Variants in BICC1 observed in about 807,000 individuals in gnomAD.
The protein encoded by BICC1 is protein bicaudal C homolog 1.
BICC1 carries 43 observed loss-of-function variants against 111.0 expected under a neutral mutation model. The observed-to-expected ratio is 0.39, with a 90% CI of 0.30 to 0.50. BICC1 has a LOEUF of 0.50. Ranked by LOEUF, BICC1 falls within the 20% of genes least tolerant of loss-of-function variation. The probability of loss-of-function intolerance (pLI) is 0.88; values close to 1 mark genes in which losing one functional copy is unlikely to be tolerated. For synonymous variants in BICC1, 467 were observed against 434.4 expected, an observed-to-expected ratio of 1.07 and a Z score of -0.93; for missense variants, 1,091 against 1,203.2, an observed-to-expected ratio of 0.91 and a Z score of 1.38.
chr10:58,590,769 T>C (rs1027925842), intron 1 of BICC1, among the ~76,000 whole-genome samples: 3 of 152,200 alleles, frequency 2.0e-5, no homozygotes, highest in Admixed American at 1.3e-4. Flanking sequence ...TGTTGTAGTT[T>C]TATAGGTATT....
intron 8 of BICC1, among the ~76,000 whole-genome samples, chr10:58,793,117 G>C (rs1843232607): frequency 1.3e-5 from 2 of 152,182 alleles, no homozygotes; most frequent in African/African-American, 4.8e-5. Flanking sequence ...GCCACTGGAA[G>C]TCATTGAGCA....
intron 2 of BICC1, among the ~76,000 whole-genome samples, chr10:58,671,993 G>A (rs1839198354): frequency 6.6e-6 from 1 of 152,116 alleles, no homozygotes; most frequent in Non-Finnish European, 1.5e-5. Flanking sequence ...CATTCTGGAA[G>A]CTCGTTCCCT....
At chr10:58,816,701 G>A (rs1844100393) in intron 18 of BICC1, among the ~76,000 whole-genome samples, 1 of 149,908 alleles carries the variant, frequency 6.7e-6, no homozygotes, top group Non-Finnish European at 1.5e-5. Context: ...GCTCATTATT[G>A]GTCTGGGAGG....
intron 1 of BICC1, among the ~76,000 whole-genome samples, chr10:58,568,616 A>T (rs966122732): frequency 6.6e-6 from 1 of 152,164 alleles, no homozygotes; most frequent in African/African-American, 2.4e-5. Context: ...CGCCCACATC[A>T]GCACACCACA....
chr10:58,770,011 G>A (rs1175413750), intron 3 of BICC1, among the ~76,000 whole-genome samples: 6 of 152,008 alleles, frequency 3.9e-5, no homozygotes, highest in East Asian at 1.9e-4. Flanking sequence ...TGTCAAAATC[G>A]GTTCTTACAG....
intron 2 of BICC1, among the ~76,000 whole-genome samples, chr10:58,699,462 A>C (rs1224628927): frequency 6.6e-6 from 1 of 152,212 alleles, no homozygotes; most frequent in Non-Finnish European, 1.5e-5. Flanking sequence ...GTGTACATGC[A>C]GGGTTATTTC....
At chr10:58,693,448 A>C (rs1418892976) in intron 2 of BICC1, among the ~76,000 whole-genome samples, 1 of 152,200 alleles carries the variant, frequency 6.6e-6, no homozygotes, top group Non-Finnish European at 1.5e-5. Flanking sequence ...TGACTTCCAC[A>C]ATGGTTGAAC....
chr10:58,804,380 G>T (rs370166992), intron 15 of BICC1, among the ~76,000 whole-genome samples: 1 of 152,044 alleles, frequency 6.6e-6, no homozygotes, highest in Non-Finnish European at 1.5e-5. Context: ...TTAGCAGGGC[G>T]TGGTGGCATG....
intron 3 of BICC1, among the ~76,000 whole-genome samples, chr10:58,759,171 G>T (rs1472824922): frequency 6.6e-6 from 1 of 151,904 alleles, no homozygotes; most frequent in African/African-American, 2.4e-5. Flanking sequence ...TGTTGGCCAG[G>T]CTGGTCTCGA....
intron 1 of BICC1, among the ~76,000 whole-genome samples, chr10:58,604,409 C>T (rs941249026): frequency 6.6e-6 from 1 of 152,128 alleles, no homozygotes; most frequent in Non-Finnish European, 1.5e-5. Flanking sequence ...GTGGCTCATG[C>T]CTGTAATCCC....
At chr10:58,607,943 T>C (rs150718991) in intron 1 of BICC1, among the ~76,000 whole-genome samples, 22 of 152,316 alleles carry the variant, frequency 1.4e-4, no homozygotes, top group African/African-American at 4.8e-4. Flanking sequence ...GAAATAGCTG[T>C]CCTTCCTGGT....
chr10:58,762,405 A>G (rs1276560021), intron 3 of BICC1, among the ~76,000 whole-genome samples: 1 of 152,194 alleles, frequency 6.6e-6, no homozygotes, highest in Non-Finnish European at 1.5e-5. Flanking sequence ...GCAACAAAAA[A>G]TATCTAAAGC....
intron 9 of BICC1, 51 bp downstream of exon 9, chr10:58,793,666 A>G: frequency 1.3e-6 from 2 of 1,583,236 alleles, no homozygotes; most frequent in Non-Finnish European, 1.7e-6. Context: ...CATATGCTGT[A>G]TAGTTTTATT....
chr10:58,646,764 T>C (rs1001945401), intron 2 of BICC1, among the ~76,000 whole-genome samples: 8 of 146,614 alleles, frequency 5.5e-5, no homozygotes, highest in South Asian at 4.5e-4. Flanking sequence ...TTGGGAGATA[T>C]ATGTTCTTTC....
chr10:58,607,833 C>T (rs1027391912), intron 1 of BICC1, among the ~76,000 whole-genome samples: 5 of 152,066 alleles, frequency 3.3e-5, no homozygotes, highest in Non-Finnish European at 7.4e-5. Context: ...TAGTACAGTC[C>T]GTAACAGGTA....
At chr10:58,565,593 A>G (rs1423983101) in intron 1 of BICC1, among the ~76,000 whole-genome samples, 1 of 152,104 alleles carries the variant, frequency 6.6e-6, no homozygotes, top group African/African-American at 2.4e-5. Context: ...ACTAAATATA[A>G]TGGAAAACCA....
intron 1 of BICC1, among the ~76,000 whole-genome samples, chr10:58,528,455 T>G (rs1842601618): frequency 6.6e-6 from 1 of 151,952 alleles, no homozygotes; most frequent in Non-Finnish European, 1.5e-5. Flanking sequence ...TTCAGTTTAT[T>G]TCATTGCCGA....
chr10:58,630,784 A>G (rs1588949919), intron 2 of BICC1, among the ~76,000 whole-genome samples: 1 of 152,210 alleles, frequency 6.6e-6, no homozygotes, highest in East Asian at 1.9e-4. Context: ...TGGTGTTTGT[A>G]GAGTAGTTTA....
rs750655042 is a variant in BICC1, at chr10:58,666,953, A to G, written c.238-35121A>G. On this transcript the variant is annotated intron_variant, in intron 2 of 20. Coordinates refer to ENST00000373886, the MANE Select transcript of BICC1 (RefSeq NM_001080512.3). ...TGCTCCTATTTAACTTGTCTACTTA[A>G]TATTTAAATTCCTTTGATAAATATA... Among the ~76,000 whole-genome samples the G allele has an allele frequency of 5.9e-5, 9 of 152,158 alleles. 1 individual carries two copies. Among genetic ancestry groups the G allele is most frequent in the Non-Finnish European group, 1.2e-4 (8 of 68,008 alleles).
Sources: gnomAD v4.1 joint callset for allele counts (sites outside exome capture counted in the v4.1 genomes callset) on GRCh38, gnomAD v4.1.1 for gene constraint, MANE v1.5 for transcripts, NCBI Gene and HGNC (gene_info 2026-07-23, HGNC 2026-07-21) for gene names.